Variants in NBAS observed in about 807,000 individuals in gnomAD.
NBAS encodes NBAS subunit of NRZ tethering complex.
In NBAS, 219 loss-of-function variants were observed where a neutral mutation model predicts 302.5. The ratio of observed to expected loss-of-function variants is 0.72; its 90% confidence interval spans 0.65 to 0.81. NBAS has a LOEUF of 0.81. Ranked by LOEUF, NBAS falls within the 30% of genes least tolerant of loss-of-function variation. NBAS has a pLI of 0.00. For synonymous variants in NBAS, 1,118 were observed against 1,021.6 expected, an observed-to-expected ratio of 1.09 and a Z score of -1.80; for missense variants, 2,932 against 2,841.6, an observed-to-expected ratio of 1.03 and a Z score of -0.72.
chr2:14,945,717 G>C, the NBAS span, among the ~76,000 whole-genome samples: 15 of 152,068 alleles, frequency 9.9e-5, no homozygotes, highest in South Asian at 2.1e-4. Flanking sequence ...TTGAAGACAG[G>C]CTACTTCAAA....
chr2:15,259,291 C>A (rs1029444631), intron 44 of NBAS, among the ~76,000 whole-genome samples: 5 of 152,162 alleles, frequency 3.3e-5, no homozygotes, highest in South Asian at 2.1e-4. Context: ...GTGAAAACTA[C>A]ACAAACTCTC....
the NBAS span, among the ~76,000 whole-genome samples, chr2:14,834,750 G>A: frequency 6.6e-6 from 1 of 152,078 alleles, no homozygotes; most frequent in Non-Finnish European, 1.5e-5. Flanking sequence ...AGCAAGGACT[G>A]TGGGAGAGCA....
chr2:14,779,285 T>C, the NBAS span, among the ~76,000 whole-genome samples: 2 of 152,360 alleles, frequency 1.3e-5, no homozygotes, highest in South Asian at 4.1e-4. Flanking sequence ...ACTAACACAG[T>C]GACCTCCTAA....
the NBAS span, among the ~76,000 whole-genome samples, chr2:14,941,223 C>A: frequency 6.6e-6 from 1 of 152,196 alleles, no homozygotes; most frequent in African/African-American, 2.4e-5. Flanking sequence ...ACACTCTTTC[C>A]ATAACAGTCC....
chr2:15,321,443 T>C (rs62119500), intron 38 of NBAS, among the ~76,000 whole-genome samples: 5 of 152,122 alleles, frequency 3.3e-5, no homozygotes, highest in Admixed American at 6.5e-5. Context: ...GAAACCACCA[T>C]TGGAGTGAAC....
At chr2:15,394,746 T>A (rs1675785759) in intron 27 of NBAS, among the ~76,000 whole-genome samples, 1 of 152,092 alleles carries the variant, frequency 6.6e-6, no homozygotes, top group South Asian at 2.1e-4. Context: ...AGAAAAGCAA[T>A]AAACCAAGAA....
At position 15,557,838 on chromosome 2, in the gene NBAS, C is replaced by T. The variant is rs183591784; in HGVS notation, c.172+742G>A. Among the ~76,000 whole-genome samples, 171 of 152,288 alleles carry T rather than the reference C, an allele frequency of 1.1e-3. 1 individual carries two copies. The highest frequency in any genetic ancestry group is 3.8e-3 in the African/African-American group (158 of 41,556). The stretch of plus-strand genomic sequence containing the variant: ...TATGGTAAACCCGTCATGGCACCAG[C>T]TCAGTAAACCTAGTGCTCAATCCTT... On this transcript the variant is annotated intron_variant, in intron 2 of 51. Transcript: ENST00000281513.
the NBAS span, among the ~76,000 whole-genome samples, chr2:14,970,658 T>C: frequency 2.6e-5 from 4 of 152,064 alleles, no homozygotes; most frequent in African/African-American, 7.2e-5. Context: ...AACATTCTAA[T>C]TGGAAGTGGA....
At chr2:15,099,661 C>T in the NBAS span, among the ~76,000 whole-genome samples, 1,035 of 152,052 alleles carry the variant, frequency 6.8e-3, 15 homozygotes, top group African/African-American at 0.023. Context: ...CATGTCATGG[C>T]CACATGTCTA....
the NBAS span, among the ~76,000 whole-genome samples, chr2:14,883,541 C>T: frequency 3.3e-5 from 5 of 152,006 alleles, no homozygotes; most frequent in Admixed American, 6.6e-5. Context: ...GGACAATGTC[C>T]ACCGGCAGAA....
At chr2:15,058,268 G>T in the NBAS span, among the ~76,000 whole-genome samples, 1 of 152,202 alleles carries the variant, frequency 6.6e-6, no homozygotes, top group Non-Finnish European at 1.5e-5. Flanking sequence ...GGTAGTCACA[G>T]CTGGGGAGAG....
the NBAS span, among the ~76,000 whole-genome samples, chr2:15,003,515 G>A: frequency 6.6e-6 from 1 of 152,136 alleles, no homozygotes; most frequent in Non-Finnish European, 1.5e-5. Context: ...TCAAAGCTAT[G>A]AAGAACAATA....
intron 42 of NBAS, among the ~76,000 whole-genome samples, chr2:15,283,783 C>T (rs1376235935): frequency 6.6e-6 from 1 of 152,102 alleles, no homozygotes; most frequent in Non-Finnish European, 1.5e-5. Context: ...AACAGCGACT[C>T]GAAAGGATTA....
At chr2:15,503,836 A>G (rs1360889813) in intron 11 of NBAS, among the ~76,000 whole-genome samples, 1 of 152,230 alleles carries the variant, frequency 6.6e-6, no homozygotes, top group African/African-American at 2.4e-5. Context: ...AAGATAAAAT[A>G]TGAAATTCAA....
the NBAS span, among the ~76,000 whole-genome samples, chr2:14,954,087 T>C: frequency 6.6e-6 from 1 of 152,182 alleles, no homozygotes; most frequent in African/African-American, 2.4e-5. Context: ...ATGTAAAAAG[T>C]GCTTTGTGCA....
the NBAS span, among the ~76,000 whole-genome samples, chr2:14,797,939 T>A: frequency 1.3e-5 from 2 of 152,222 alleles, no homozygotes; most frequent in Non-Finnish European, 2.9e-5. Context: ...AATTTTTGTA[T>A]ACTGACCTCA....
chr2:14,839,505 G>T, the NBAS span, among the ~76,000 whole-genome samples: 4 of 152,068 alleles, frequency 2.6e-5, no homozygotes, highest in African/African-American at 9.7e-5. Context: ...ACTTTACCCT[G>T]TAACTTAGCC....
chr2:15,232,597 G>C, intron 46 of NBAS, 86 bp from the exon 47 acceptor site: 1 of 1,291,372 alleles, frequency 7.7e-7, no homozygotes, highest in South Asian at 1.2e-5. Flanking sequence ...AAATGAACCT[G>C]GCTGGATTTT....
intron 40 of NBAS, among the ~76,000 whole-genome samples, chr2:15,294,875 C>G (rs532191125): frequency 3.5e-4 from 53 of 152,278 alleles, no homozygotes; most frequent in African/African-American, 1.1e-3. Context: ...ATATTCTCAC[C>G]TGGTGCTTTC....
Sources: allele counts gnomAD v4.1 joint callset (sites outside exome capture counted in the v4.1 genomes callset), GRCh38; gene constraint gnomAD v4.1.1; transcripts MANE v1.5; gene names NCBI Gene and HGNC (gene_info 2026-07-23, HGNC 2026-07-21).